The following HSD17B2 variants were observed in gnomAD, a reference collection of about 807,000 sequenced individuals.
The protein encoded by HSD17B2 is hydroxysteroid 17-beta dehydrogenase 2, also known as 17-beta-hydroxysteroid dehydrogenase type 2.
HSD17B2 carries 32 observed loss-of-function variants against 26.9 expected under a neutral mutation model. The observed-to-expected ratio is 1.19, with a 90% CI of 0.90 to 1.60. The LOEUF (loss-of-function observed/expected upper bound fraction) is 1.60, where lower values mean the gene tolerates loss of function less well. HSD17B2 is among the 40% of genes most tolerant of loss of function. The pLI, the probability that HSD17B2 is intolerant of heterozygous loss-of-function variation, is 0.00. For missense variants in HSD17B2, 613 were observed against 468.6 expected, an observed-to-expected ratio of 1.31 and a Z score of -2.85; for synonymous variants, 246 against 186.7, an observed-to-expected ratio of 1.32 and a Z score of -2.59.
intron 1 of HSD17B2, chr16:82,044,746 C>G (rs556781041): frequency 6.6e-6 from 1 of 152,292 alleles, no homozygotes; most frequent in African/African-American, 2.4e-5. Context: ...GAACGTCACA[C>G]TGAAAGCTAT....
intron 1 of HSD17B2, among the ~76,000 whole-genome samples, chr16:82,053,638 C>T (rs1284681541): frequency 6.6e-6 from 1 of 152,128 alleles, no homozygotes; most frequent in Non-Finnish European, 1.5e-5. Flanking sequence ...TAGCACCTAG[C>T]CCAGCATGGG....
At chr16:82,056,520 C>G (rs185618999) in intron 1 of HSD17B2, 1 of 152,022 alleles carries the variant, frequency 6.6e-6, no homozygotes, top group South Asian at 2.1e-4. Flanking sequence ...TCAGGTAAAA[C>G]GGATCTATGC....
intron 3 of HSD17B2, among the ~76,000 whole-genome samples, chr16:82,075,104 A>G (rs1904294631): frequency 6.6e-6 from 1 of 152,190 alleles, no homozygotes; most frequent in Non-Finnish European, 1.5e-5. Flanking sequence ...AGTGACCAGT[A>G]GGTCAATGAA....
chr16:82,061,860 C>T (rs902362141), intron 1 of HSD17B2, among the ~76,000 whole-genome samples: 1 of 152,180 alleles, frequency 6.6e-6, no homozygotes, highest in African/African-American at 2.4e-5. Context: ...TATCCCCCAT[C>T]TTCCTTCTTT....
rs1426606629 is a variant in HSD17B2, at chr16:82,098,346, A to G, written c.1074A>G (p.Ile358Met). ...TTGCTCACTATTTGCCTATTGGCATATATGATTACTTTGCTAAAAGACATT... is the reference window on the plus strand; with the variant it reads ...TTGCTCACTATTTGCCTATTGGCATGTATGATTACTTTGCTAAAAGACATT... ...ICLAHYLPIG[I>M]YDYFAKRHFG... is the part of the protein sequence containing the mutation. The change falls in exon 5 of 5, where the codon ATA becomes ATG. Residue 358 changes from isoleucine to methionine, a missense_variant. Transcript: ENST00000199936. 6.2e-7 allele frequency: 1 copy of G among 1,614,212 alleles called. No homozygotes were observed. The highest frequency in any genetic ancestry group is 2.2e-5 in the East Asian group (1 of 44,884).
intron 1 of HSD17B2, among the ~76,000 whole-genome samples, chr16:82,066,277 A>G (rs1914570215): frequency 6.6e-6 from 1 of 152,164 alleles, no homozygotes; most frequent in Non-Finnish European, 1.5e-5. Context: ...ATACATGGAG[A>G]CATAAGAAGG....
intron 4 of HSD17B2, chr16:82,097,338 A>ACAC (rs1904877127): frequency 9.0e-6 from 1 of 111,514 alleles, no homozygotes; most frequent in Non-Finnish European, 1.9e-5. Context: ...ATATATACAC[A>ACAC]TTATATATGT....
chr16:82,077,306 C>A (rs1038414976), intron 3 of HSD17B2, among the ~76,000 whole-genome samples: 2 of 152,150 alleles, frequency 1.3e-5, no homozygotes, highest in Admixed American at 1.3e-4. Context: ...ATGGTACCAG[C>A]ATGAAAACAG....
At chr16:82,079,955 C>T (rs1904336742) in intron 3 of HSD17B2, among the ~76,000 whole-genome samples, 1 of 152,120 alleles carries the variant, frequency 6.6e-6, no homozygotes. Flanking sequence ...GGGAGAGAAG[C>T]AGTCAGTCAC....
intron 4 of HSD17B2, chr16:82,094,817 T>C (rs4888202): frequency 0.57 from 86,011 of 151,982 alleles, 24,603 homozygotes; most frequent in Middle Eastern, 0.69. Context: ...GTGCTTTATG[T>C]GCATTATCTC....
chr16:82,072,243 G>C (rs1164983011), intron 3 of HSD17B2, among the ~76,000 whole-genome samples: 1 of 152,194 alleles, frequency 6.6e-6, no homozygotes. Context: ...AGTTGGGGGA[G>C]ACGAAGTGTC....
chr16:82,097,552 G>T (rs1437018722), intron 4 of HSD17B2: 1 of 151,988 alleles, frequency 6.6e-6, no homozygotes, highest in Admixed American at 6.6e-5. Flanking sequence ...AGTCACATGG[G>T]CTATCAGTTT....
At chr16:82,040,256 C>T (rs887936964) in intron 1 of HSD17B2, among the ~76,000 whole-genome samples, 24 of 152,134 alleles carry the variant, frequency 1.6e-4, no homozygotes, top group African/African-American at 5.8e-4. Context: ...AAGTTGAATA[C>T]CATGGGTATC....
intron 3 of HSD17B2, chr16:82,071,524 A>G: frequency 3.1e-6 from 1 of 317,790 alleles, no homozygotes; most frequent in Non-Finnish European, 6.1e-6. Flanking sequence ...CTGAGTAGGC[A>G]ATACCTTCCC....
At position 82,087,273 on chromosome 16, in the gene HSD17B2, G is replaced by A. The variant is rs186648937; in HGVS notation, c.665-3629G>A. Among the ~76,000 whole-genome samples, 234 of 152,218 alleles carry A rather than the reference G, an allele frequency of 1.5e-3. 1 individual carries two copies. Among genetic ancestry groups the A allele is most frequent in the Middle Eastern group, 3.4e-3 (1 of 294 alleles). ...CACACTTAAAAAATATGTTAAAAAA[G>A]TAGAATTCACATTAAGTGTTTTTAC... is the stretch of plus-strand genomic sequence containing the variant. On this transcript the variant is annotated intron_variant, in intron 3 of 4. Coordinates refer to ENST00000199936, the MANE Select transcript of HSD17B2 (RefSeq NM_002153.3).
At chr16:82,078,519 T>A (rs1031600877) in intron 3 of HSD17B2, among the ~76,000 whole-genome samples, 1 of 152,202 alleles carries the variant, frequency 6.6e-6, no homozygotes, top group African/African-American at 2.4e-5. Context: ...CCGCTAGATA[T>A]GTACCCAAAA....
At position 82,076,441 on chromosome 16, in the gene HSD17B2, T is replaced by C. The variant is rs149053257; in HGVS notation, c.664+5314T>C. Among the ~76,000 whole-genome samples, 408 of 152,288 alleles carry C rather than the reference T, an allele frequency of 2.7e-3. 4 individuals carry two copies. The highest frequency in any genetic ancestry group is 9.4e-3 in the African/African-American group (391 of 41,548). On this transcript the variant is annotated intron_variant, in intron 3 of 4. Coordinates refer to ENST00000199936, the MANE Select transcript of HSD17B2 (RefSeq NM_002153.3). ...AACATTCAAGCTGGAAAGGAAGAAGTTGAATTATCCTTGTTTGCAGATGAT... is the reference window on the plus strand; with the variant it reads ...AACATTCAAGCTGGAAAGGAAGAAGCTGAATTATCCTTGTTTGCAGATGAT...
At chr16:82,040,150 C>A (rs1360747773) in intron 1 of HSD17B2, among the ~76,000 whole-genome samples, 1 of 152,158 alleles carries the variant, frequency 6.6e-6, no homozygotes, top group African/African-American at 2.4e-5. Context: ...GAAGTAAGAT[C>A]TGTTTTCAGT....
chr16:82,078,995 TA>T (rs1189069246), intron 3 of HSD17B2, among the ~76,000 whole-genome samples: 6 of 152,194 alleles, frequency 3.9e-5, no homozygotes, highest in Admixed American at 3.9e-4. Flanking sequence ...AATAATAATT[TA>T]ATTGTGCATT....
Sources: allele counts gnomAD v4.1 joint callset (sites outside exome capture counted in the v4.1 genomes callset), GRCh38; gene constraint gnomAD v4.1.1; transcripts MANE v1.5; gene names NCBI Gene and HGNC (gene_info 2026-07-23, HGNC 2026-07-21).